The following ITFG1 variants were observed in gnomAD, a reference collection of about 807,000 sequenced individuals.
ITFG1 encodes the protein integrin alpha FG-GAP repeat containing 1, also known as T-cell immunomodulatory protein.
ITFG1 carries 34 observed loss-of-function variants against 81.8 expected under a neutral mutation model. The observed-to-expected ratio is 0.42, with a 90% CI of 0.32 to 0.55. The LOEUF is 0.55. Ranked by LOEUF, ITFG1 falls within the 20% of genes least tolerant of loss-of-function variation. The pLI is 0.17. For missense variants in ITFG1, 672 were observed against 755.4 expected, an observed-to-expected ratio of 0.89 and a Z score of 1.29; for synonymous variants, 285 against 270.6, an observed-to-expected ratio of 1.05 and a Z score of -0.52.
intron 8 of ITFG1, among the ~76,000 whole-genome samples, chr16:47,344,187 A>C (rs1239126664): frequency 6.6e-6 from 1 of 152,230 alleles, no homozygotes; most frequent in African/African-American, 2.4e-5. Context: ...GAAAATACAT[A>C]GTGGTTAATG....
chr16:47,252,623 C>T (rs1370026899), intron 12 of ITFG1, among the ~76,000 whole-genome samples: 1 of 152,138 alleles, frequency 6.6e-6, no homozygotes, highest in Non-Finnish European at 1.5e-5. Flanking sequence ...GCAAGGTCCC[C>T]GTCTTCATGT....
rs556325507 is a variant in ITFG1 at position 47,413,716 on chromosome 16, A to G, written c.655+15088T>C. On this transcript the variant is annotated intron_variant, in intron 6 of 17. Transcript: ENST00000320640. ...GTCTGAAAAAAATACTGTAGTACATAGCCCACAGATACAATAAAGCAACTC... is the reference window on the plus strand; with the variant it reads ...GTCTGAAAAAAATACTGTAGTACATGGCCCACAGATACAATAAAGCAACTC... Among the ~76,000 whole-genome samples, 5 of 152,286 alleles carry G rather than the reference A, an allele frequency of 3.3e-5. No individual in the cohort carries two copies. In the South Asian group the frequency reaches 1.0e-3, roughly 32 times the overall value.
chr16:47,172,077 TA>T lies in ITFG1; in HGVS notation c.1454-9414del, dbSNP rs796522315. On this transcript the variant is annotated intron_variant, in intron 14 of 17. Transcript: ENST00000320640. ...GGTTAGTCCCCAACACTCCCAAATG[TA>T]TAATTCCAGCATAGACTGCCAGTCT... Among the ~76,000 whole-genome samples, 102 of 152,334 alleles carry T rather than the reference TA, an allele frequency of 6.7e-4. 1 individual carries two copies. Among genetic ancestry groups the T allele is most frequent in the African/African-American group, 2.3e-3 (97 of 41,584 alleles).
intron 14 of ITFG1, among the ~76,000 whole-genome samples, chr16:47,181,254 T>C: frequency 6.9e-6 from 1 of 145,092 alleles, no homozygotes; most frequent in Admixed American, 6.8e-5. Flanking sequence ...GAGGAGCCCC[T>C]CCGCCCGGCA....
At chr16:47,306,439 G>A (rs1390963257) in intron 10 of ITFG1, among the ~76,000 whole-genome samples, 1 of 151,904 alleles carries the variant, frequency 6.6e-6, no homozygotes, top group Non-Finnish European at 1.5e-5. Flanking sequence ...AAACAACTTT[G>A]GGCCCAAACA....
intron 8 of ITFG1, among the ~76,000 whole-genome samples, chr16:47,364,732 T>C (rs145426175): frequency 6.6e-6 from 1 of 152,220 alleles, no homozygotes; most frequent in African/African-American, 2.4e-5. Flanking sequence ...GATATGACAT[T>C]ATCAAACCTC....
intron 6 of ITFG1, among the ~76,000 whole-genome samples, chr16:47,380,099 A>G (rs981268418): frequency 1.3e-5 from 2 of 151,648 alleles, no homozygotes; most frequent in Non-Finnish European, 2.9e-5. Flanking sequence ...CCAAAAGGGC[A>G]AGGAGGACTT....
intron 12 of ITFG1, among the ~76,000 whole-genome samples, chr16:47,244,245 G>T (rs1381729816): frequency 6.6e-6 from 1 of 152,152 alleles, no homozygotes; most frequent in African/African-American, 2.4e-5. Context: ...TCTGTGAGCT[G>T]CTCTAGCAAA....
intron 8 of ITFG1, among the ~76,000 whole-genome samples, chr16:47,354,799 C>T (rs1347212314): frequency 6.6e-6 from 1 of 152,026 alleles, no homozygotes; most frequent in Non-Finnish European, 1.5e-5. Flanking sequence ...AAATGCTCAA[C>T]ATCATGAATC....
chr16:47,271,907 C>G (rs1966345639), intron 10 of ITFG1, among the ~76,000 whole-genome samples: 4 of 152,094 alleles, frequency 2.6e-5, no homozygotes, highest in Admixed American at 2.6e-4. Flanking sequence ...AAAGAATATT[C>G]TACTCCTAGG....
chr16:47,415,404 T>C (rs1596968552), intron 6 of ITFG1, among the ~76,000 whole-genome samples: 1 of 152,146 alleles, frequency 6.6e-6, no homozygotes, highest in African/African-American at 2.4e-5. Flanking sequence ...CAGAATGACA[T>C]GATCAGGTTA....
chr16:47,200,063 C>T (rs953853799), intron 14 of ITFG1, among the ~76,000 whole-genome samples: 4 of 152,158 alleles, frequency 2.6e-5, no homozygotes, highest in African/African-American at 9.7e-5. Context: ...TGCTGTTCAC[C>T]TCCTGCTGTG....
intron 8 of ITFG1, among the ~76,000 whole-genome samples, chr16:47,360,265 T>C (rs1024625057): frequency 1.3e-5 from 2 of 152,172 alleles, no homozygotes; most frequent in Non-Finnish European, 2.9e-5. Flanking sequence ...TACATATTAA[T>C]GTACTCTGTA....
At chr16:47,321,774 T>TTTAGA (rs1967452385) in intron 8 of ITFG1, among the ~76,000 whole-genome samples, 1 of 152,154 alleles carries the variant, frequency 6.6e-6, no homozygotes, top group South Asian at 2.1e-4. Context: ...GCTAGATACT[T>TTTAGA]TTAGAAAATA....
At chr16:47,196,967 T>G (rs749648097) in intron 14 of ITFG1, among the ~76,000 whole-genome samples, 3 of 151,858 alleles carry the variant, frequency 2.0e-5, no homozygotes, top group Non-Finnish European at 2.9e-5. Context: ...ACAACAAAAT[T>G]TAGAGATCCT....
chr16:47,174,150 T>C (rs1269881179), intron 14 of ITFG1, among the ~76,000 whole-genome samples: 2 of 152,250 alleles, frequency 1.3e-5, no homozygotes, highest in African/African-American at 4.8e-5. Context: ...ATTAATGTCA[T>C]TCAGGTTATG....
At chr16:47,345,290 TC>T (rs1567467982) in intron 8 of ITFG1, among the ~76,000 whole-genome samples, 2 of 144,474 alleles carry the variant, frequency 1.4e-5, no homozygotes, top group South Asian at 2.1e-4. Context: ...GCAAAAAAAC[TC>T]TTTTTTTTTT....
At chr16:47,281,148 T>C (rs966533570) in intron 10 of ITFG1, among the ~76,000 whole-genome samples, 4 of 152,076 alleles carry the variant, frequency 2.6e-5, no homozygotes, top group African/African-American at 9.7e-5. Flanking sequence ...GAGATCGGGA[T>C]ATGAAGTCAA....
intron 6 of ITFG1, among the ~76,000 whole-genome samples, chr16:47,419,507 C>A (rs573109445): frequency 4.6e-5 from 7 of 151,470 alleles, no homozygotes; most frequent in African/African-American, 1.7e-4. Flanking sequence ...CCTGACTTCA[C>A]GCGATCCACC....
Sources: gnomAD v4.1 joint callset for allele counts (sites outside exome capture counted in the v4.1 genomes callset) on GRCh38, gnomAD v4.1.1 for gene constraint, MANE v1.5 for transcripts, NCBI Gene and HGNC (gene_info 2026-07-23, HGNC 2026-07-21) for gene names.